Variants in BAZ1B observed in about 807,000 individuals in gnomAD.
BAZ1B encodes bromodomain adjacent to zinc finger domain 1B, also known as tyrosine-protein kinase BAZ1B.
Under a neutral mutation model 153.8 loss-of-function variants are expected in BAZ1B, and 22 were observed. The ratio of observed to expected loss-of-function variants is 0.14; its 90% CI spans 0.10 to 0.20. The LOEUF is 0.20. Ranked by LOEUF, BAZ1B falls within the 10% of genes least tolerant of loss-of-function variation. The pLI is 1.00. For synonymous variants in BAZ1B, 676 were observed against 633.4 expected, an observed-to-expected ratio of 1.07 and a Z score of -1.01; for missense variants, 1,325 against 1,799.3, an observed-to-expected ratio of 0.74 and a Z score of 4.77.
At position 73,503,713 on chromosome 7, in the gene BAZ1B, G is replaced by A. The variant is rs117176278; in HGVS notation, c.369+4614C>T. ...ACATTTCTTCTTTCACCTTGCAGATGTGTGCAAAATATTTTCGTTTTGCCA... is the reference window on the plus strand; with the variant it reads ...ACATTTCTTCTTTCACCTTGCAGATATGTGCAAAATATTTTCGTTTTGCCA... On this transcript the variant is annotated intron_variant, in intron 3 of 19. Transcript: ENST00000339594. 4.3e-3 allele frequency among the ~76,000 whole-genome samples: 647 copies of A among 152,210 alleles called. 19 individuals are homozygous for A. Among genetic ancestry groups the A allele is most frequent in the East Asian group, 0.035 (179 of 5,182 alleles).
intron 2 of BAZ1B, among the ~76,000 whole-genome samples, chr7:73,510,322 G>A (rs545867768): frequency 4.2e-4 from 63 of 151,434 alleles, no homozygotes; most frequent in African/African-American, 1.4e-3. Context: ...CCAGCTACTT[G>A]GGAGGCTGAG....
At chr7:73,495,141 G>C (rs11984105) in intron 4 of BAZ1B, among the ~76,000 whole-genome samples, 7,432 of 152,224 alleles carry the variant, frequency 0.049, 208 homozygotes, top group Non-Finnish European at 0.066. Flanking sequence ...AAATTAGCTG[G>C]TTGTGGTAGC....
chr7:73,492,379 G>GTC (rs1298681521), intron 5 of BAZ1B, among the ~76,000 whole-genome samples: 7 of 151,884 alleles, frequency 4.6e-5, no homozygotes, highest in Non-Finnish European at 1.0e-4. Flanking sequence ...AGCCGGGATG[G>GTC]TCTCGATCTC....
At chr7:73,444,535 T>G (rs370004535) in intron 16 of BAZ1B, among the ~76,000 whole-genome samples, 22 of 152,324 alleles carry the variant, frequency 1.4e-4, no homozygotes, top group South Asian at 8.3e-4. Context: ...TGTATTTACA[T>G]GTAAGATGGA....
intron 1 of BAZ1B, among the ~76,000 whole-genome samples, chr7:73,513,328 G>A (rs892978776): frequency 6.6e-6 from 1 of 152,138 alleles, no homozygotes; most frequent in Non-Finnish European, 1.5e-5. Context: ...CAAACCCACA[G>A]GTAATCCAAA....
chr7:73,444,151 C>T (rs1554565779), intron 16 of BAZ1B, 22 bp from the exon 17 acceptor site: 2 of 1,571,740 alleles, frequency 1.3e-6, no homozygotes, highest in Non-Finnish European at 1.7e-6. Context: ...ACTATGGATT[C>T]AGCAGAGAAC....
intron 1 of BAZ1B, among the ~76,000 whole-genome samples, chr7:73,512,340 T>C (rs1421970871): frequency 2.6e-5 from 4 of 152,108 alleles, no homozygotes; most frequent in South Asian, 2.1e-4. Context: ...TTAGTGTTAG[T>C]GTATTTTATG....
intron 7 of BAZ1B, among the ~76,000 whole-genome samples, chr7:73,470,940 GT>G (rs1266729816): frequency 1.3e-5 from 2 of 152,118 alleles, no homozygotes; most frequent in Non-Finnish European, 2.9e-5. Context: ...TCCCCATGTT[GT>G]CCAGGCTGGT....
At chr7:73,490,607 A>ATTT (rs34937645) in intron 5 of BAZ1B, among the ~76,000 whole-genome samples, 1 of 142,504 alleles carries the variant, frequency 7.0e-6, no homozygotes, top group Non-Finnish European at 1.5e-5. Context: ...AAAACTAAGC[A>ATTT]TTTTTTTTTT....
Position 73,478,138 on chromosome 7 carries a change from C to A in BAZ1B, c.1323G>T (p.Leu441Phe). 6.2e-7 allele frequency: 1 copy of A among 1,614,172 alleles called. No individual in the cohort carries two copies. The highest frequency in any genetic ancestry group is 8.5e-7 in the Non-Finnish European group (1 of 1,180,042). The change falls in exon 7 of 20, where the codon TTG becomes TTT. Residue 441 changes from leucine to phenylalanine, a missense_variant. Transcript: ENST00000339594. Reference protein sequence around the residue: ...PKTKMKQMTLLDMAKGTQKMT... With the variant: ...PKTKMKQMTLFDMAKGTQKMT... ...TCTTCTGCGTGCCTTTGGCCATATC[C>A]AACAAAGTCATCTGCTTCATTTTGG...
At chr7:73,496,072 G>A (rs1206205304) in intron 4 of BAZ1B, among the ~76,000 whole-genome samples, 1 of 152,122 alleles carries the variant, frequency 6.6e-6, no homozygotes, top group East Asian at 1.9e-4. Flanking sequence ...AGAAATCTCT[G>A]CTTTTGACAA....
In BAZ1B at chr7:73,442,934, A is replaced by G. The variant is rs180802912; in HGVS notation, c.3991-106T>C. 36 of 878,124 alleles carry G rather than the reference A, an allele frequency of 4.1e-5. No homozygotes were observed. In the African/African-American group the frequency reaches 5.5e-4, roughly 13 times the overall value. The allele number at this position is 878,124 out of a possible 1,614,324, so 54.4% of individuals were successfully genotyped here. A position where few individuals can be genotyped will look rare whatever the true frequency, so the allele number is the denominator to read the frequency against. On this transcript the variant is annotated intron_variant, in intron 17 of 19. Coordinates refer to ENST00000339594, the MANE Select transcript of BAZ1B (RefSeq NM_032408.4). The stretch of plus-strand genomic sequence containing the variant: ...CTCAAAAAAGGAAGAGAGTTCAACT[A>G]TTTCCTTGGCGCAGAGGTGCTGAAA...
intron 12 of BAZ1B, 51 bp from the exon 13 acceptor site, chr7:73,459,769 G>A (rs782021215): frequency 1.1e-5 from 16 of 1,482,166 alleles, no homozygotes; most frequent in Admixed American, 6.7e-5. Context: ...AGAGGAAGAC[G>A]AAAGGAATCC....
Position 73,455,055 on chromosome 7 carries a change from C to CT in BAZ1B, c.3433-4062dup, listed in dbSNP as rs1242520147. 6.6e-3 allele frequency among the ~76,000 whole-genome samples: 954 copies of CT among 144,522 alleles called. 8 individuals are homozygous for CT. The highest frequency in any genetic ancestry group is 0.019 in the African/African-American group (749 of 39,744). 94.8% of individuals were successfully genotyped at this position (144,522 alleles called of 152,430 possible). A position where few individuals can be genotyped will look rare whatever the true frequency, so the allele number is the denominator to read the frequency against. On this transcript the variant is annotated intron_variant, in intron 13 of 19. Transcript: ENST00000339594. ...GTGTGTGTGTGTGTGTGCATTTTTT[C>CT]TTTTTTTTTTTAGAAGAGACCGGTT... is the stretch of plus-strand genomic sequence containing the variant.
At position 73,477,405 on chromosome 7, in the gene BAZ1B, G is replaced by A. The variant is rs781811463; in HGVS notation, c.2056C>T (p.His686Tyr). The change falls in exon 7 of 20, where the codon CAT becomes TAT. Residue 686 changes from histidine to tyrosine, a missense_variant. By Grantham distance (83) the His-to-Tyr change is moderately conservative (BLOSUM62 2). This residue lies in a region of BAZ1B where 154 missense variants were observed against 266.3 expected (regional missense o/e 0.58). Transcript: ENST00000339594. The surrounding 1 kb of genome is among the most constrained non-coding windows in gnomAD (Gnocchi z 5.6). ...AGCCGCACCAGCTCTGAAACAGAAT[G>A]CAGAGTCAAGGGGATTTCCGACAGC... is the stretch of plus-strand genomic sequence containing the variant. ...MKLSEIPLTLHSVSELVRLCL... is the reference protein window; with the variant it reads ...MKLSEIPLTLYSVSELVRLCL... The A allele has an allele frequency of 6.2e-6, 10 of 1,614,248 alleles. No homozygotes were observed. Among genetic ancestry groups the A allele is most frequent in the Middle Eastern group, 1.6e-4 (1 of 6,062 alleles).
At chr7:73,466,243 C>T in intron 10 of BAZ1B, 53 bp downstream of exon 10, 1 of 1,316,190 alleles carries the variant, frequency 7.6e-7, no homozygotes, top group South Asian at 1.2e-5. Context: ...ATACTTTCTT[C>T]CTTAACAATT....
intron 1 of BAZ1B, among the ~76,000 whole-genome samples, chr7:73,520,326 C>T (rs1166690775): frequency 6.6e-6 from 1 of 151,982 alleles, no homozygotes; most frequent in African/African-American, 2.4e-5. Context: ...AACCAGATCA[C>T]CACCCCTCCA....
At chr7:73,442,140 T>TTCCCC in intron 19 of BAZ1B, 41 bp downstream of exon 19, 1 of 269,542 alleles carries the variant, frequency 3.7e-6, no homozygotes, top group Non-Finnish European at 7.3e-6. Context: ...CTCGCCTCCC[T>TTCCCC]CCCACCCTCC....
intron 13 of BAZ1B, among the ~76,000 whole-genome samples, chr7:73,458,934 C>T (rs1788294082): frequency 6.6e-6 from 1 of 151,994 alleles, no homozygotes. Flanking sequence ...TAAAAGTCAC[C>T]ACCACCTTTT....
Sources: allele counts gnomAD v4.1 joint callset (sites outside exome capture counted in the v4.1 genomes callset), GRCh38; gene constraint gnomAD v4.1.1; regional missense constraint gnomAD v4.1.1; non-coding constraint Gnocchi (gnomAD v3.1); transcripts MANE v1.5; gene names NCBI Gene and HGNC (gene_info 2026-07-23, HGNC 2026-07-21).